Variants in PPP4R2 observed in about 807,000 individuals in gnomAD.
PPP4R2 encodes protein phosphatase 4 regulatory subunit 2.
In PPP4R2, 13 loss-of-function variants were observed where a neutral mutation model predicts 47.2. The observed-to-expected ratio is 0.28, with a 90% confidence interval of 0.18 to 0.44. PPP4R2 has a LOEUF of 0.44. PPP4R2 is among the 20% of genes least tolerant of loss of function. The pLI, the probability that PPP4R2 is intolerant of heterozygous loss-of-function variation, is 1.00. For synonymous variants in PPP4R2, 151 were observed against 163.3 expected, an observed-to-expected ratio of 0.92 and a Z score of 0.57; for missense variants, 421 against 491.2, an observed-to-expected ratio of 0.86 and a Z score of 1.35.
intron 2 of PPP4R2, among the ~76,000 whole-genome samples, chr3:73,002,735 G>C (rs1318401232): frequency 6.8e-6 from 1 of 146,192 alleles, no homozygotes; most frequent in Non-Finnish European, 1.5e-5. Flanking sequence ...TCTGCCTCCT[G>C]GGTTCAAGCG....
chr3:73,009,948 A>G (rs1488019136), intron 2 of PPP4R2, among the ~76,000 whole-genome samples: 4 of 152,182 alleles, frequency 2.6e-5, no homozygotes, highest in East Asian at 3.8e-4. Flanking sequence ...CAGGTTTTGC[A>G]TTGCTTGTAA....
Position 72,996,826 on chromosome 3 carries a change from G to T in PPP4R2, c.-212G>T. The stretch of plus-strand genomic sequence containing the variant: ...GTGACGTACCGGGCGCCATGTTGGA[G>T]GGTTGGTGGTAGCGGCTTGGGGAGG... On this transcript the variant is annotated 5_prime_UTR_variant, in exon 1 of 9. The change creates a new upstream start codon in the 5' untranslated region. Transcript: ENST00000356692. The T allele has an allele frequency of 5.1e-6, 2 of 394,262 alleles. No individual in the cohort carries two copies. The highest frequency in any genetic ancestry group is 3.7e-5 in the East Asian group (1 of 27,354). 24.4% of individuals were successfully genotyped at this position (394,262 alleles called of 1,614,324 possible).
intron 2 of PPP4R2, among the ~76,000 whole-genome samples, chr3:73,030,035 CT>C (rs1702139451): frequency 6.6e-6 from 1 of 152,040 alleles, no homozygotes; most frequent in South Asian, 2.1e-4. Flanking sequence ...GTTTTAAGGA[CT>C]TTTATTACAA....
rs1484951197 is a variant in PPP4R2, at chr3:73,066,559, T to G, written c.*837T>G. ...AAAATATGCTTTATCTTGGAAATTG[T>G]GTTCAAATGTTAGCTTACTATTTTG... On this transcript the variant is annotated 3_prime_UTR_variant, in exon 9 of 9. Transcript: ENST00000356692. 6.6e-6 allele frequency: 1 copy of G among 152,094 alleles called. No homozygotes were observed. Among genetic ancestry groups the G allele is most frequent in the Non-Finnish European group, 1.5e-5 (1 of 67,948 alleles). 9.4% of individuals were successfully genotyped at this position (152,094 alleles called of 1,614,324 possible). A position where few individuals can be genotyped will look rare whatever the true frequency, so the allele number is the denominator to read the frequency against.
intron 3 of PPP4R2, among the ~76,000 whole-genome samples, chr3:73,047,827 A>C (rs1358232867): frequency 1.3e-5 from 2 of 152,168 alleles, no homozygotes; most frequent in Admixed American, 1.3e-4. Flanking sequence ...AAACATTAAA[A>C]ACACTAAAAA....
At chr3:73,029,563 C>T (rs943696049) in intron 2 of PPP4R2, among the ~76,000 whole-genome samples, 1 of 126,854 alleles carries the variant, frequency 7.9e-6, no homozygotes, top group African/African-American at 3.1e-5. Flanking sequence ...TTCATCACAT[C>T]TGAGAGGTGA....
rs370607306 is a variant in PPP4R2 at position 73,002,678 on chromosome 3, G to A, written c.116+4520G>A. Among the ~76,000 whole-genome samples the A allele has an allele frequency of 5.2e-5, 6 of 116,484 alleles. No individual in the cohort carries two copies. The South Asian group carries it at 7.6e-4, about 15-fold the overall frequency. 76.4% of individuals were successfully genotyped at this position (116,484 alleles called of 152,430 possible). The stretch of plus-strand genomic sequence containing the variant: ...TTTTTTTGAGACGGAGTCTCGCTCT[G>A]TCACCCAGGCTGGAGTGCAGTGGCG... On this transcript the variant is annotated intron_variant, in intron 2 of 8. Transcript: ENST00000356692.
At chr3:73,059,310 C>A (rs1482212586) in intron 4 of PPP4R2, among the ~76,000 whole-genome samples, 180 bp downstream of exon 4, 1 of 151,996 alleles carries the variant, frequency 6.6e-6, no homozygotes, top group Non-Finnish European at 1.5e-5. Flanking sequence ...TTTAATAGGA[C>A]CGGGTAGAGG....
intron 2 of PPP4R2, among the ~76,000 whole-genome samples, chr3:73,019,870 A>G (rs1348031189): frequency 6.6e-6 from 1 of 152,122 alleles, no homozygotes; most frequent in Non-Finnish European, 1.5e-5. Flanking sequence ...TTTTCCTAGA[A>G]TATAATAGCC....
chr3:73,002,622 TTCTTTTCTTTTC>T (rs1701494383), intron 2 of PPP4R2, among the ~76,000 whole-genome samples: 1 of 97,628 alleles, frequency 1.0e-5, no homozygotes, highest in African/African-American at 4.8e-5. Flanking sequence ...TTCTTTTCTT[TTCTTTTCTTTTC>T]TTTTTTTTTT....
Position 72,997,085 on chromosome 3 carries a change from C to A in PPP4R2, c.34+14C>A. 7.2e-7 allele frequency: 1 copy of A among 1,381,154 alleles called. No homozygotes were observed. 85.6% of individuals were successfully genotyped at this position (1,381,154 alleles called of 1,614,324 possible). A position where few individuals can be genotyped will look rare whatever the true frequency, so the allele number is the denominator to read the frequency against. The stretch of plus-strand genomic sequence containing the variant: ...AGGCGCTGAAAGGTGGGGGTAGCTG[C>A]CCCCTCTCCATTCCCCCTCACCTTC... On this transcript the variant is annotated intron_variant, in intron 1 of 8. Transcript: ENST00000356692.
intron 2 of PPP4R2, among the ~76,000 whole-genome samples, chr3:72,999,825 A>C (rs1701422820): frequency 6.6e-6 from 1 of 152,176 alleles, no homozygotes; most frequent in Non-Finnish European, 1.5e-5. Context: ...GTGTAGTTAG[A>C]TTCTTATATT....
chr3:73,005,728 C>T (rs993323455), intron 2 of PPP4R2, among the ~76,000 whole-genome samples: 2 of 150,696 alleles, frequency 1.3e-5, no homozygotes, highest in South Asian at 2.1e-4. Flanking sequence ...GCTTGTAATC[C>T]CAGCTACTCG....
intron 8 of PPP4R2, 42 bp downstream of exon 8, chr3:73,065,183 C>G (rs779142632): frequency 1.6e-5 from 25 of 1,523,696 alleles, no homozygotes; most frequent in Non-Finnish European, 2.1e-5. Context: ...TAAGGAGATC[C>G]TCAAATTCTT....
chr3:73,010,552 C>T (rs902023644), intron 2 of PPP4R2, among the ~76,000 whole-genome samples: 18 of 132,718 alleles, frequency 1.4e-4, no homozygotes, highest in African/African-American at 5.1e-4. Flanking sequence ...ATTTACTTGT[C>T]TCTCTCGCTC....
rs573928684 is a variant in PPP4R2 at position 73,067,795 on chromosome 3, C to G, written c.*2073C>G. 5 of 152,226 alleles carry G rather than the reference C, an allele frequency of 3.3e-5. No homozygotes were observed. Among genetic ancestry groups the G allele is most frequent in the East Asian group, 3.9e-4 (2 of 5,176 alleles). 9.4% of individuals were successfully genotyped at this position (152,226 alleles called of 1,614,324 possible). ...TGAGGTCTGTGGTTTTATTTGTAAA[C>G]TTGCAATTGCTATATTTGCAAGGGC... On this transcript the variant is annotated 3_prime_UTR_variant, in exon 9 of 9. Transcript: ENST00000356692.
At chr3:73,023,484 C>G (rs1386713332) in intron 2 of PPP4R2, among the ~76,000 whole-genome samples, 1 of 152,016 alleles carries the variant, frequency 6.6e-6, no homozygotes, top group Non-Finnish European at 1.5e-5. Context: ...CAGTGCCTGG[C>G]CAGAATAAGA....
chr3:73,062,895 A>G, intron 5 of PPP4R2: 2 of 1,611,160 alleles, frequency 1.2e-6, no homozygotes, highest in African/African-American at 1.3e-5. Context: ...ACGCAAGTCA[A>G]GTTAGTTGCC....
intron 2 of PPP4R2, among the ~76,000 whole-genome samples, chr3:73,046,749 T>C (rs772228724): frequency 6.6e-6 from 1 of 152,208 alleles, no homozygotes; most frequent in African/African-American, 2.4e-5. Context: ...ATTTAGTAGA[T>C]AATAGACAAA....
Sources: allele counts gnomAD v4.1 joint callset (sites outside exome capture counted in the v4.1 genomes callset), GRCh38; gene constraint gnomAD v4.1.1; transcripts MANE v1.5; gene names NCBI Gene and HGNC (gene_info 2026-07-23, HGNC 2026-07-21).